Variants in PPP1R14D observed in about 807,000 individuals in gnomAD.
PPP1R14D encodes protein phosphatase 1 regulatory inhibitor subunit 14D.
Under a neutral mutation model 17.1 loss-of-function variants are expected in PPP1R14D, and 14 were observed. That is an observed-to-expected ratio of 0.82 (90% CI 0.54 to 1.28). PPP1R14D has a LOEUF of 1.28. Ranked by LOEUF, PPP1R14D falls within the 50% of genes most tolerant of loss-of-function variation. The pLI is 0.00. For synonymous variants in PPP1R14D, 67 were observed against 66.1 expected (o/e 1.01, Z -0.06); for missense variants, 173 against 179.2 (o/e 0.97, Z 0.20).
At chr15:40,826,202 A>G (rs1021269334) in intron 1 of PPP1R14D, among the ~76,000 whole-genome samples, 6 of 152,104 alleles carry the variant, frequency 3.9e-5, no homozygotes, top group African/African-American at 1.2e-4. Flanking sequence ...ATCTTTGGTC[A>G]ATACCTTGAC....
intron 1 of PPP1R14D, among the ~76,000 whole-genome samples, chr15:40,816,479 G>A (rs1890668180): frequency 1.3e-5 from 2 of 152,194 alleles, no homozygotes; most frequent in Admixed American, 6.5e-5. Flanking sequence ...TCGGGAGGCC[G>A]AGGCAGGCAG....
chr15:40,819,579 A>G (rs1890734992), intron 1 of PPP1R14D, among the ~76,000 whole-genome samples: 1 of 152,040 alleles, frequency 6.6e-6, no homozygotes, highest in African/African-American at 2.4e-5. Flanking sequence ...GAAAATAATC[A>G]CAGAACCTCC....
intron 1 of PPP1R14D, among the ~76,000 whole-genome samples, chr15:40,821,739 C>T (rs890797666): frequency 2.0e-5 from 3 of 150,772 alleles, no homozygotes; most frequent in African/African-American, 7.3e-5. Context: ...ACCAGACTGG[C>T]CACCATGGCG....
intron 1 of PPP1R14D, among the ~76,000 whole-genome samples, chr15:40,816,725 A>T (rs1019524593): frequency 1.3e-5 from 2 of 151,940 alleles, no homozygotes; most frequent in Non-Finnish European, 2.9e-5. Context: ...GTCGCAAAAA[A>T]AATAAAAATA....
chr15:40,815,509 G>C lies in PPP1R14D; in HGVS notation c.*187C>G. 4 of 721,924 alleles carry C rather than the reference G, an allele frequency of 5.5e-6. No individual in the cohort carries two copies. Among genetic ancestry groups the C allele is most frequent in the East Asian group, 5.6e-5 (2 of 35,432 alleles). The allele number at this position is 721,924 out of a possible 1,614,324, so 44.7% of individuals were successfully genotyped here. ...CAAGGAAGGCATTGGACAACAGCCA[G>C]CTTTCTCCCAGAGAGCCCAGCTGAC... On this transcript the variant is annotated 3_prime_UTR_variant, in exon 4 of 4. Coordinates refer to ENST00000299174, the MANE Select transcript of PPP1R14D (RefSeq NM_017726.8).
chr15:40,817,306 G>A (rs1033441426), intron 1 of PPP1R14D: 3 of 259,188 alleles, frequency 1.2e-5, no homozygotes, highest in African/African-American at 7.1e-5. Context: ...GCAGAGAATG[G>A]ATCACACCAC....
intron 1 of PPP1R14D, among the ~76,000 whole-genome samples, chr15:40,817,515 T>C (rs964847479): frequency 5.9e-5 from 9 of 151,942 alleles, no homozygotes; most frequent in African/African-American, 2.2e-4. Flanking sequence ...AATTGCAAAT[T>C]AAAACATTCA....
chr15:40,815,861 A>T, intron 3 of PPP1R14D, 100 bp from the exon 4 acceptor site: 1 of 1,295,722 alleles, frequency 7.7e-7, no homozygotes, highest in Non-Finnish European at 1.1e-6. Context: ...CAGAGAAGGG[A>T]GAAGGACCCA....
chr15:40,823,401 C>G (rs1890817125), intron 1 of PPP1R14D, among the ~76,000 whole-genome samples: 1 of 152,026 alleles, frequency 6.6e-6, no homozygotes, highest in South Asian at 2.1e-4. Flanking sequence ...GCCACTGTAC[C>G]CAGCAGGAAA....
At chr15:40,818,607 G>A (rs1344895584) in intron 1 of PPP1R14D, among the ~76,000 whole-genome samples, 1 of 145,292 alleles carries the variant, frequency 6.9e-6, no homozygotes, top group Non-Finnish European at 1.5e-5. Flanking sequence ...TCAAAAAAAA[G>A]AAGAAGCCAA....
At chr15:40,820,572 G>T (rs1890758358) in intron 1 of PPP1R14D, among the ~76,000 whole-genome samples, 1 of 151,898 alleles carries the variant, frequency 6.6e-6, no homozygotes, top group Non-Finnish European at 1.5e-5. Flanking sequence ...AAAGAATCAG[G>T]CCAGGTACAG....
chr15:40,817,289 A>G (rs761892742), intron 1 of PPP1R14D: 1 of 291,918 alleles, frequency 3.4e-6, no homozygotes, highest in South Asian at 2.5e-5. Flanking sequence ...CCCGGGAGGC[A>G]GAAGTTGCAG....
intron 1 of PPP1R14D, among the ~76,000 whole-genome samples, chr15:40,819,418 G>A (rs1292969272): frequency 6.6e-6 from 1 of 151,808 alleles, no homozygotes; most frequent in Admixed American, 6.6e-5. Flanking sequence ...GTATGGTGCC[G>A]TGTGCCTGTA....
intron 1 of PPP1R14D, among the ~76,000 whole-genome samples, 163 bp from the exon 2 acceptor site, chr15:40,816,416 C>G (rs1397196377): frequency 6.6e-6 from 1 of 152,232 alleles, no homozygotes; most frequent in Non-Finnish European, 1.5e-5. Flanking sequence ...ATTTACTAAA[C>G]ATATACTATA....
chr15:40,822,032 C>A (rs1742190590), intron 1 of PPP1R14D, among the ~76,000 whole-genome samples: 1 of 152,088 alleles, frequency 6.6e-6, no homozygotes, highest in Admixed American at 6.6e-5. Context: ...AATCCCAGCA[C>A]TTTGGGAGGC....
intron 1 of PPP1R14D, among the ~76,000 whole-genome samples, chr15:40,825,308 G>C (rs1596129653): frequency 6.6e-6 from 1 of 151,320 alleles, no homozygotes; most frequent in East Asian, 1.9e-4. Context: ...AAGAAAGAAA[G>C]AAAGAAATAG....
At position 40,815,588 on chromosome 15, in the gene PPP1R14D, TC is replaced by T; in HGVS notation, c.*107del. 1 of 1,353,798 alleles carries T rather than the reference TC, an allele frequency of 7.4e-7. No homozygotes were observed. The highest frequency in any genetic ancestry group is 1.0e-6 in the Non-Finnish European group (1 of 984,928). The allele number at this position is 1,353,798 out of a possible 1,614,324, so 83.9% of individuals were successfully genotyped here. On this transcript the variant is annotated 3_prime_UTR_variant, in exon 4 of 4. Coordinates refer to ENST00000299174, the MANE Select transcript of PPP1R14D (RefSeq NM_017726.8). Reference sequence around the variant, plus strand: ...AGGAGTATGCAAATGTCCCTCCTTGTCCACATTTCTTGTTTGTGTCCCAAGG... The same window carrying T: ...AGGAGTATGCAAATGTCCCTCCTTGTCACATTTCTTGTTTGTGTCCCAAGG...
At chr15:40,827,764 A>T (rs941061946) in intron 1 of PPP1R14D, among the ~76,000 whole-genome samples, 15 of 151,972 alleles carry the variant, frequency 9.9e-5, no homozygotes, top group African/African-American at 3.6e-4. Flanking sequence ...CTACAAAAAA[A>T]AATACAAAAA....
chr15:40,822,030 C>G (rs1890786663), intron 1 of PPP1R14D, among the ~76,000 whole-genome samples: 2 of 152,134 alleles, frequency 1.3e-5, no homozygotes, highest in South Asian at 4.1e-4. Flanking sequence ...GTAATCCCAG[C>G]ACTTTGGGAG....
Sources: allele counts gnomAD v4.1 joint callset (sites outside exome capture counted in the v4.1 genomes callset), GRCh38; gene constraint gnomAD v4.1.1; transcripts MANE v1.5; gene names NCBI Gene and HGNC (gene_info 2026-07-23, HGNC 2026-07-21).